The following SLC2A9 variants were observed in gnomAD, a reference collection of about 807,000 sequenced individuals.
SLC2A9 encodes the protein solute carrier family 2, facilitated glucose transporter member 9.
A neutral mutation model predicts 50.6 loss-of-function variants in SLC2A9; 39 were observed. That is an observed-to-expected ratio of 0.77 (90% CI 0.60 to 1.01). The LOEUF is 1.01. SLC2A9 is among the 50% of genes least tolerant of loss of function. SLC2A9 has a pLI of 0.00. For synonymous variants in SLC2A9, 324 were observed against 276.9 expected, an observed-to-expected ratio of 1.17 and a Z score of -1.69; for missense variants, 686 against 677.6, an observed-to-expected ratio of 1.01 and a Z score of -0.14.
downstream of SLC2A9, among the ~76,000 whole-genome samples, chr4:9,821,801 A>C (rs537647412): frequency 6.6e-6 from 1 of 152,298 alleles, no homozygotes; most frequent in East Asian, 1.9e-4. Flanking sequence ...TTCTGGGATA[A>C]ATTGTGTAGA....
intron 10 of SLC2A9, among the ~76,000 whole-genome samples, chr4:9,862,728 T>G (rs940591738): frequency 1.3e-5 from 2 of 151,826 alleles, no homozygotes; most frequent in Non-Finnish European, 2.9e-5. Flanking sequence ...CCTGTCCATA[T>G]CACAAAAGCA....
chr4:9,831,039 G>C (rs180911505), intron 11 of SLC2A9, among the ~76,000 whole-genome samples: 11 of 152,196 alleles, frequency 7.2e-5, no homozygotes, highest in African/African-American at 2.7e-4. Flanking sequence ...GGCGTGATTC[G>C]TGCCGTTGTC....
chr4:9,779,347 C>T (rs376128188), downstream of SLC2A9, among the ~76,000 whole-genome samples: 89 of 152,222 alleles, frequency 5.8e-4, no homozygotes, highest in African/African-American at 2.1e-3. Context: ...CCCTTCACAG[C>T]CCTTGTCACA....
chr4:9,848,587 C>T (rs575923815), intron 10 of SLC2A9, among the ~76,000 whole-genome samples: 2 of 152,140 alleles, frequency 1.3e-5, no homozygotes, highest in Non-Finnish European at 2.9e-5. Flanking sequence ...CTGTTGCTTG[C>T]CCCATAGCCA....
intron 2 of SLC2A9, among the ~76,000 whole-genome samples, 159 bp downstream of exon 2, chr4:10,018,816 T>G (rs1763096307): frequency 6.6e-6 from 1 of 152,154 alleles, no homozygotes. Context: ...TGTCTGTCTC[T>G]GTGCCTCCCC....
chr4:9,950,385 C>T (rs982561378), intron 5 of SLC2A9, among the ~76,000 whole-genome samples: 9 of 152,166 alleles, frequency 5.9e-5, no homozygotes, highest in African/African-American at 1.9e-4. Flanking sequence ...TAGAGCCCCC[C>T]CATGGGTCAT....
chr4:9,835,003 T>G lies in SLC2A9; in HGVS notation c.1297A>C (p.Ile433Leu), dbSNP rs140124274. 5.0e-6 allele frequency: 8 copies of G among 1,613,374 alleles called. No homozygotes were observed. Among genetic ancestry groups the G allele is most frequent in the Non-Finnish European group, 5.9e-6 (7 of 1,179,948 alleles). The change falls in exon 11 of 12, where the codon ATC (isoleucine) becomes CTC (leucine). Residue 433 changes from isoleucine (I) to leucine (L), a missense_variant. Physicochemically the swap from Ile to Leu is conservative, Grantham distance 5. Coordinates refer to ENST00000264784, the MANE Select transcript of SLC2A9 (RefSeq NM_020041.3). The part of the protein sequence containing the change: ...IASFCSGPGG[I>L]PFILTGEFFQ... ...AACTCACCAGTCAAGATGAACGGGA[T>G]GCCACCTGCAGTGTGTGAGCCAGGA...
intron 6 of SLC2A9, among the ~76,000 whole-genome samples, chr4:9,929,208 C>G (rs566312559): frequency 7.9e-5 from 12 of 152,370 alleles, no homozygotes; most frequent in African/African-American, 2.6e-4. Context: ...TCAGTATTCC[C>G]ACTTTGCAGG....
chr4:9,911,237 C>T (rs747418710), intron 7 of SLC2A9, among the ~76,000 whole-genome samples: 7 of 152,096 alleles, frequency 4.6e-5, no homozygotes, highest in African/African-American at 7.2e-5. Context: ...GATCCTCTCC[C>T]GCTGCCCAGG....
chr4:9,867,923 C>T (rs998765902), intron 10 of SLC2A9, among the ~76,000 whole-genome samples: 1 of 152,188 alleles, frequency 6.6e-6, no homozygotes, highest in African/African-American at 2.4e-5. Flanking sequence ...TGCGTGCCCC[C>T]CCCACCCGAG....
At chr4:9,857,424 G>A (rs1019810048) in intron 10 of SLC2A9, among the ~76,000 whole-genome samples, 4 of 152,288 alleles carry the variant, frequency 2.6e-5, no homozygotes, top group East Asian at 3.9e-4. Flanking sequence ...GTTGTTCTCC[G>A]GCTCAGACCC....
At chr4:10,010,560 A>G (rs1265754174) in intron 2 of SLC2A9, among the ~76,000 whole-genome samples, 2 of 152,204 alleles carry the variant, frequency 1.3e-5, no homozygotes, top group African/African-American at 4.8e-5. Flanking sequence ...GCTAGTTAGC[A>G]TCAGGAGTCA....
intron 3 of SLC2A9, among the ~76,000 whole-genome samples, chr4:9,789,851 T>C (rs1719679931): frequency 6.6e-6 from 1 of 152,232 alleles, no homozygotes. Context: ...AATATTGTTC[T>C]GATTCTCTTC....
At chr4:9,777,551 A>AGT (rs35243947), downstream of SLC2A9, among the ~76,000 whole-genome samples, 140,323 of 152,016 alleles carry the variant, frequency 0.92, 64,965 homozygotes, top group Non-Finnish European at 0.95. Context: ...AACAAATGTC[A>AGT]GTGTGTGGCC....
At chr4:10,031,802 C>G (rs562921318) in intron 1 of SLC2A9, among the ~76,000 whole-genome samples, 1 of 152,298 alleles carries the variant, frequency 6.6e-6, no homozygotes, top group South Asian at 2.1e-4. Context: ...GAGACTGACC[C>G]CATTCTTGAT....
At chr4:9,783,514 C>T in intron 3 of SLC2A9, 1 of 1,493,832 alleles carries the variant, frequency 6.7e-7, no homozygotes, top group Non-Finnish European at 9.1e-7. Flanking sequence ...CAGACATTGA[C>T]AAGCACGCAC....
intron 6 of SLC2A9, among the ~76,000 whole-genome samples, chr4:9,937,429 T>C (rs990453659): frequency 1.3e-5 from 2 of 152,156 alleles, no homozygotes; most frequent in Admixed American, 6.5e-5. Context: ...GCTTAGCTAG[T>C]CCATGGGCCA....
intron 10 of SLC2A9, among the ~76,000 whole-genome samples, chr4:9,883,923 C>T (rs564584968): frequency 5.3e-5 from 8 of 152,302 alleles, no homozygotes; most frequent in African/African-American, 1.4e-4. Context: ...CACTGGAATA[C>T]GAGTGGAGAA....
In SLC2A9 at chr4:9,832,093, ATGG is replaced by A. The variant is rs1483608193; in HGVS notation, c.1419+2785_1419+2787del. On this transcript the variant is annotated intron_variant, in intron 11 of 11. Transcript: ENST00000264784. The stretch of plus-strand genomic sequence containing the variant: ...GCTCCCTAGTCTGTGCTATTTGGTC[ATGG>A]CGGCCCGAGGCCCGAGTAGATGAAC... Among the ~76,000 whole-genome samples the A allele has an allele frequency of 2.6e-5, 4 of 152,352 alleles. No individual in the cohort carries two copies. In the East Asian group the frequency reaches 5.8e-4, roughly 22 times the overall value.
Sources: gnomAD v4.1 joint callset for allele counts (sites outside exome capture counted in the v4.1 genomes callset) on GRCh38, gnomAD v4.1.1 for gene constraint, MANE v1.5 for transcripts, NCBI Gene and HGNC (gene_info 2026-07-23, HGNC 2026-07-21) for gene names.